Variants in CNKSR2 observed in about 807,000 individuals in gnomAD.
The protein encoded by CNKSR2 is CNK homolog protein 2.
CNKSR2 carries 14 observed loss-of-function variants against 84.4 expected under a neutral mutation model. That is an observed-to-expected ratio of 0.17 (90% confidence interval 0.11 to 0.26). CNKSR2 has a LOEUF of 0.26. Among genes scored for constraint, CNKSR2 ranks in the 10% least tolerant of loss-of-function variants. The pLI, the probability that CNKSR2 is intolerant of heterozygous loss-of-function variation, is 1.00. For synonymous variants in CNKSR2, 275 were observed against 277.9 expected (o/e 0.99, Z 0.10); for missense variants, 485 against 771.2 (o/e 0.63, Z 4.40).
chrX:21,399,625 CT>C (rs963751424), intron 1 of CNKSR2, among the ~76,000 whole-genome samples: 1 of 111,485 alleles, frequency 9.0e-6, no homozygotes, highest in Non-Finnish European at 1.9e-5. Context: ...TGCAGTTATT[CT>C]TTTCATTAGG....
chrX:21,432,491 C>A (rs1196449082), intron 2 of CNKSR2, 121 bp from the exon 3 acceptor site: 2 of 510,939 alleles, frequency 3.9e-6, no homozygotes, highest in Non-Finnish European at 6.6e-6. Flanking sequence ...GGAATCCTAT[C>A]TTATTCATTT....
chrX:21,415,363 G>A (rs944153698), intron 1 of CNKSR2, among the ~76,000 whole-genome samples: 19 of 109,907 alleles, frequency 1.7e-4, no homozygotes, highest in Non-Finnish European at 3.0e-4. Context: ...TTGACTGTTG[G>A]CATGTAGAAA....
chrX:21,475,811 G>A (rs1295145368), intron 5 of CNKSR2, among the ~76,000 whole-genome samples: 1 of 111,751 alleles, frequency 8.9e-6, no homozygotes, highest in East Asian at 2.8e-4. Context: ...TGAAATGCTT[G>A]AGATTAGAAG....
intron 11 of CNKSR2, among the ~76,000 whole-genome samples, chrX:21,551,113 GAACAGAAAAC>G (rs1314825359): frequency 1.8e-5 from 2 of 110,555 alleles, no homozygotes; most frequent in Non-Finnish European, 3.8e-5. Context: ...ACTAACACAG[GAACAGAAAAC>G]CAAACACCGC....
In CNKSR2 at chrX:21,499,852, T is replaced by G. The variant is rs1257169174; in HGVS notation, c.742-1668T>G. Among the ~76,000 whole-genome samples, 3 of 110,755 alleles carry G rather than the reference T, an allele frequency of 2.7e-5. No homozygotes were observed. In the East Asian group the frequency reaches 8.5e-4, roughly 31 times the overall value. Reference sequence around the variant, plus strand: ...TAAAACTAAAAATCTATAATTTATATGACTTCTTTACTTACCTGTGCAAAA... The same window carrying G: ...TAAAACTAAAAATCTATAATTTATAGGACTTCTTTACTTACCTGTGCAAAA... On this transcript the variant is annotated intron_variant, in intron 7 of 21. Transcript: ENST00000379510.
At chrX:21,512,272 A>T (rs2091680464) in intron 8 of CNKSR2, among the ~76,000 whole-genome samples, 1 of 111,394 alleles carries the variant, frequency 9.0e-6, no homozygotes, top group African/African-American at 3.3e-5. Flanking sequence ...ATTAGGAAAT[A>T]AAGGGTCGGG....
intron 8 of CNKSR2, among the ~76,000 whole-genome samples, chrX:21,511,133 G>A (rs1036286841): frequency 9.0e-6 from 1 of 111,103 alleles, no homozygotes. Flanking sequence ...AGGACAAATA[G>A]GATCTATACC....
At chrX:21,449,415 C>T (rs748313941) in intron 4 of CNKSR2, among the ~76,000 whole-genome samples, 5 of 109,149 alleles carry the variant, frequency 4.6e-5, no homozygotes, top group Non-Finnish European at 7.6e-5. Context: ...GACATAGCAC[C>T]GCTAAAAAAA....
intron 18 of CNKSR2, among the ~76,000 whole-genome samples, chrX:21,604,167 G>A (rs932087022): frequency 1.4e-4 from 16 of 111,662 alleles, no homozygotes; most frequent in African/African-American, 5.2e-4. Flanking sequence ...AAGACACACA[G>A]CTTAGTGTAA....
intron 3 of CNKSR2, among the ~76,000 whole-genome samples, chrX:21,436,831 C>T (rs111257349): frequency 3.7e-4 from 41 of 111,002 alleles, no homozygotes; most frequent in African/African-American, 1.3e-3. Context: ...TCTTTGGTAA[C>T]CCACAAAGAT....
At chrX:21,590,516 G>C in intron 13 of CNKSR2, 56 bp from the exon 14 acceptor site, 1 of 1,085,779 alleles carries the variant, frequency 9.2e-7, no homozygotes, top group Non-Finnish European at 1.3e-6. Flanking sequence ...TAGCGTGCTG[G>C]TGCTCTGGAT....
intron 4 of CNKSR2, among the ~76,000 whole-genome samples, chrX:21,452,401 T>G (rs1175650370): frequency 8.9e-6 from 1 of 111,903 alleles, no homozygotes; most frequent in African/African-American, 3.3e-5. Context: ...CCACTCTAAA[T>G]GAATTTTCTA....
At chrX:21,611,572 G>A (rs1439217648) in intron 20 of CNKSR2, among the ~76,000 whole-genome samples, 2 of 112,025 alleles carry the variant, frequency 1.8e-5, no homozygotes, top group Non-Finnish European at 3.8e-5. Flanking sequence ...AGTCCACAGA[G>A]CACTTCTAGT....
At chrX:21,532,783 A>C (rs2091896966) in intron 11 of CNKSR2, among the ~76,000 whole-genome samples, 1 of 111,976 alleles carries the variant, frequency 8.9e-6, no homozygotes, top group Non-Finnish European at 1.9e-5. Flanking sequence ...TTTAATTGAA[A>C]GTCTCTGCTC....
chrX:21,442,729 A>G (rs1381771045), intron 4 of CNKSR2, among the ~76,000 whole-genome samples: 2 of 111,927 alleles, frequency 1.8e-5, no homozygotes, highest in Non-Finnish European at 3.8e-5. Context: ...TTATTTAAAA[A>G]TAGTGAAGAC....
At chrX:21,418,345 A>G (rs1478254570) in intron 1 of CNKSR2, among the ~76,000 whole-genome samples, 3 of 111,561 alleles carry the variant, frequency 2.7e-5, no homozygotes, top group Non-Finnish European at 5.7e-5. Flanking sequence ...CAGTGTTGGT[A>G]TAATATTCTG....
intron 8 of CNKSR2, among the ~76,000 whole-genome samples, chrX:21,514,486 C>T (rs1426448468): frequency 9.0e-6 from 1 of 111,670 alleles, no homozygotes; most frequent in Non-Finnish European, 1.9e-5. Flanking sequence ...GATAGAAAAG[C>T]AATTCTGTTT....
At chrX:21,580,529 A>C in intron 13 of CNKSR2, among the ~76,000 whole-genome samples, 1 of 112,158 alleles carries the variant, frequency 8.9e-6, no homozygotes, top group South Asian at 3.7e-4. Flanking sequence ...AATCAACCTA[A>C]AAATAAAGTT....
chrX:21,438,162 T>A (rs4824202), intron 3 of CNKSR2, among the ~76,000 whole-genome samples: 2 of 111,868 alleles, frequency 1.8e-5, no homozygotes, highest in Admixed American at 1.9e-4. Context: ...ACCTAGATGA[T>A]ACAGCCTACT....
Sources: allele counts gnomAD v4.1 joint callset (sites outside exome capture counted in the v4.1 genomes callset), GRCh38; gene constraint gnomAD v4.1.1; transcripts MANE v1.5; gene names NCBI Gene and HGNC (gene_info 2026-07-23, HGNC 2026-07-21).